The following MYH15 variants were observed in gnomAD, a reference collection of about 807,000 sequenced individuals.
MYH15 encodes the protein myosin heavy chain 15.
Under a neutral mutation model 240.5 loss-of-function variants are expected in MYH15, and 227 were observed. The observed-to-expected ratio is 0.94, with a 90% CI of 0.85 to 1.05. MYH15 has a LOEUF of 1.05. Among genes scored for constraint, MYH15 ranks in the 50% least tolerant of loss-of-function variants. The probability of loss-of-function intolerance (pLI) is 0.00; values close to 1 mark genes in which losing one functional copy is unlikely to be tolerated. For missense variants in MYH15, 2,217 were observed against 2,247.5 expected (o/e 0.99, Z 0.27); for synonymous variants, 785 against 796.7 (o/e 0.99, Z 0.25).
At chr3:108,474,459 TTTTTTTA>T (rs1159042684) in intron 12 of MYH15, among the ~76,000 whole-genome samples, 5 of 150,636 alleles carry the variant, frequency 3.3e-5, no homozygotes, top group East Asian at 1.9e-4. Context: ...TCCTTATTTT[TTTTTTTA>T]TTTTTTATTT....
intron 24 of MYH15, 81 bp downstream of exon 24, chr3:108,439,656 A>G: frequency 8.2e-7 from 1 of 1,215,792 alleles, no homozygotes; most frequent in Non-Finnish European, 1.1e-6. Context: ...TGAAACTGTC[A>G]AGATAAATTA....
In MYH15 at chr3:108,495,660, C is replaced by T. The variant is rs981137827; in HGVS notation, c.711+120G>A. 3 of 579,618 alleles carry T rather than the reference C, an allele frequency of 5.2e-6. No homozygotes were observed. The African/African-American group carries it at 5.7e-5, about 11-fold the overall frequency. The allele number at this position is 579,618 out of a possible 1,614,324, so 35.9% of individuals were successfully genotyped here. On this transcript the variant is annotated intron_variant, in intron 7 of 40. Coordinates refer to ENST00000693548, the MANE Select transcript of MYH15 (RefSeq NM_014981.3). ...TTTTTGAGAAATCTAACATTACAGA[C>T]TTTAATCAAAGACCTTCTTTGGTGT...
At chr3:108,443,790 C>T (rs1482697396) in intron 22 of MYH15, among the ~76,000 whole-genome samples, 3 of 151,374 alleles carry the variant, frequency 2.0e-5, no homozygotes, top group African/African-American at 7.3e-5. Context: ...ATCAGAGTCA[C>T]CCATAGAGAT....
At chr3:108,464,575 T>C (rs2083097526) in intron 15 of MYH15, 63 bp downstream of exon 15, 1 of 1,447,446 alleles carries the variant, frequency 6.9e-7, no homozygotes, top group South Asian at 1.3e-5. Context: ...CTAAGGACTT[T>C]GGCTGAGCGC....
chr3:108,525,746 C>T (rs2083661493), intron 1 of MYH15, among the ~76,000 whole-genome samples: 1 of 152,000 alleles, frequency 6.6e-6, no homozygotes, highest in South Asian at 2.1e-4. Flanking sequence ...GGCGGCAAAG[C>T]AGATGCCATG....
Position 108,410,638 on chromosome 3 carries a change from A to G in MYH15, c.4440T>C (p.Tyr1480=), listed in dbSNP as rs777993841. ...TCTCCTGGCCCACGATGCTCTCCTC[A>G]TAGGTGTTCTTGAGCTTGAGGAGCT... is the stretch of plus-strand genomic sequence containing the variant. ...STELLKLKNT[Y]EESIVGQETL... The change falls in exon 31 of 41, where the codon TAT becomes TAC. Residue 1480 remains tyrosine, a synonymous_variant. Transcript: ENST00000693548. 25 of 1,613,696 alleles carry G rather than the reference A, an allele frequency of 1.5e-5. 1 individual carries two copies. In the South Asian group the frequency reaches 2.5e-4, roughly 16 times the overall value.
At chr3:108,527,739 T>G (rs1219472071) in intron 1 of MYH15, among the ~76,000 whole-genome samples, 1 of 152,176 alleles carries the variant, frequency 6.6e-6, no homozygotes, top group Non-Finnish European at 1.5e-5. Context: ...GAAGTCAGGC[T>G]GCCTGAGTGT....
At chr3:108,410,971 A>C in intron 30 of MYH15, 39 bp from the exon 31 acceptor site, 2 of 1,497,524 alleles carry the variant, frequency 1.3e-6, no homozygotes, top group Non-Finnish European at 1.8e-6. Flanking sequence ...GTGAGGCAAT[A>C]ACTCTCAGAG....
chr3:108,476,549 G>C, intron 11 of MYH15, 34 bp from the exon 12 acceptor site: 3 of 1,366,060 alleles, frequency 2.2e-6, no homozygotes, highest in South Asian at 1.2e-5. Context: ...AGGAAGGAGA[G>C]AGGAAAACAC....
chr3:108,545,687 A>C, the MYH15 span, among the ~76,000 whole-genome samples: 26 of 138,760 alleles, frequency 1.9e-4, no homozygotes, highest in Non-Finnish European at 3.7e-4. Context: ...TGTTTCTAAT[A>C]TACACATACA....
At chr3:108,446,678 A>G (rs2082931189) in intron 21 of MYH15, among the ~76,000 whole-genome samples, 1 of 152,234 alleles carries the variant, frequency 6.6e-6, no homozygotes, top group Non-Finnish European at 1.5e-5. Flanking sequence ...AACAAACTGG[A>G]CACCTGGAGC....
chr3:108,515,807 G>A (rs1397281118), intron 1 of MYH15, among the ~76,000 whole-genome samples: 1 of 152,192 alleles, frequency 6.6e-6, no homozygotes, highest in Non-Finnish European at 1.5e-5. Flanking sequence ...TATTGAATCT[G>A]AGATGTGCAA....
chr3:108,463,326 T>A, intron 15 of MYH15, 83 bp from the exon 16 acceptor site: 1 of 1,423,420 alleles, frequency 7.0e-7, no homozygotes. Context: ...TACCCCTTTT[T>A]TTTTTTGAGA....
At chr3:108,437,846 T>C in intron 24 of MYH15, 147 bp from the exon 25 acceptor site, 1 of 804,668 alleles carries the variant, frequency 1.2e-6, no homozygotes, top group Non-Finnish European at 1.9e-6. Context: ...TATTTCCAAA[T>C]AAATATTGCA....
At chr3:108,382,749 G>A (rs1241278914) in intron 40 of MYH15, among the ~76,000 whole-genome samples, 1 of 151,862 alleles carries the variant, frequency 6.6e-6, no homozygotes, top group Non-Finnish European at 1.5e-5. Context: ...AAGAGGGCTG[G>A]TGATGCACCA....
intron 30 of MYH15, among the ~76,000 whole-genome samples, chr3:108,412,183 G>T (rs1156408264): frequency 6.6e-6 from 1 of 152,166 alleles, no homozygotes; most frequent in Non-Finnish European, 1.5e-5. Context: ...TCATCTTGTA[G>T]TTCCCATAAT....
At chr3:108,438,605 T>C (rs547009061) in intron 24 of MYH15, among the ~76,000 whole-genome samples, 146 of 152,190 alleles carry the variant, frequency 9.6e-4, no homozygotes, top group African/African-American at 3.4e-3. Context: ...AGAGCCCCCA[T>C]GAATGGAATT....
At chr3:108,484,573 G>A (rs111791772) in intron 11 of MYH15, among the ~76,000 whole-genome samples, 15,522 of 152,180 alleles carry the variant, frequency 0.1, 1,120 homozygotes, top group South Asian at 0.27. Context: ...CTACCTCCCA[G>A]GTTCCAGCGA....
At chr3:108,401,240 T>C (rs2082502324) in intron 33 of MYH15, among the ~76,000 whole-genome samples, 1 of 152,174 alleles carries the variant, frequency 6.6e-6, no homozygotes, top group African/African-American at 2.4e-5. Flanking sequence ...TTTAAAGATG[T>C]AATTAAGATT....
Sources: gnomAD v4.1 joint callset for allele counts (sites outside exome capture counted in the v4.1 genomes callset) on GRCh38, gnomAD v4.1.1 for gene constraint, MANE v1.5 for transcripts, NCBI Gene and HGNC (gene_info 2026-07-23, HGNC 2026-07-21) for gene names.